The following PI4KB variants were observed in gnomAD, a reference collection of about 807,000 sequenced individuals.
PI4KB encodes the protein phosphatidylinositol 4-kinase beta.
In PI4KB, 23 loss-of-function variants were observed where a neutral mutation model predicts 81.4. The ratio of observed to expected loss-of-function variants is 0.28; its 90% CI spans 0.20 to 0.40. PI4KB has a LOEUF of 0.40. Ranked by LOEUF, PI4KB falls within the 10% of genes least tolerant of loss-of-function variation. The pLI is 1.00. For missense variants in PI4KB, 651 were observed against 1,036.6 expected (o/e 0.63, Z 5.11); for synonymous variants, 381 against 406.8 (o/e 0.94, Z 0.76).
chr1:151,317,225 G>C (rs1648104684), intron 1 of PI4KB, among the ~76,000 whole-genome samples: 1 of 139,828 alleles, frequency 7.2e-6, no homozygotes, highest in African/African-American at 2.7e-5. Flanking sequence ...TTGCAACCTT[G>C]ACCTCCTGGG....
chr1:151,292,166 A>AAAAT lies in PI4KB; in HGVS notation c.*682_*685dup, dbSNP rs1170969575. 6.6e-6 allele frequency: 1 copy of AAAAT among 152,334 alleles called. No individual in the cohort carries two copies. The highest frequency in any genetic ancestry group is 1.5e-5 in the Non-Finnish European group (1 of 68,116). The allele number at this position is 152,334 out of a possible 1,614,324, so 9.4% of individuals were successfully genotyped here. On this transcript the variant is annotated 3_prime_UTR_variant, in exon 12 of 12. Transcript: ENST00000368873. ...AGGACTTTATTTCAAACAAAAATTA[A>AAAAT]AAATAAAAAATTGAGAGCTCTTTTC... is the stretch of plus-strand genomic sequence containing the variant.
chr1:151,313,131 T>TA (rs1165213284), intron 2 of PI4KB, among the ~76,000 whole-genome samples: 1 of 152,224 alleles, frequency 6.6e-6, no homozygotes, highest in Non-Finnish European at 1.5e-5. Context: ...CTGACGACTC[T>TA]AATGCTTAGA....
intron 5 of PI4KB, among the ~76,000 whole-genome samples, chr1:151,304,700 G>C (rs1176546588): frequency 1.4e-5 from 2 of 147,330 alleles, no homozygotes; most frequent in African/African-American, 5.0e-5. Flanking sequence ...CTGTCACCCA[G>C]GCTGGAGTGC....
intron 1 of PI4KB, among the ~76,000 whole-genome samples, chr1:151,323,703 G>A (rs939968112): frequency 6.6e-6 from 1 of 152,032 alleles, no homozygotes. Flanking sequence ...TAGCCTGGGC[G>A]ACAGAACGAG....
intron 7 of PI4KB, 50 bp from the exon 8 acceptor site, chr1:151,302,017 CAA>C (rs1695327655): frequency 1.9e-6 from 3 of 1,607,958 alleles, no homozygotes; most frequent in Non-Finnish European, 2.5e-6. Flanking sequence ...AGGGTGAGGA[CAA>C]GAGACATGGC....
chr1:151,303,713 G>C, intron 5 of PI4KB, 63 bp from the exon 6 acceptor site: 1 of 1,030,044 alleles, frequency 9.7e-7, no homozygotes, highest in Non-Finnish European at 1.5e-6. Context: ...TTCCCCTCCT[G>C]CTTGCTTGCT....
chr1:151,315,512 G>T, intron 2 of PI4KB, 61 bp downstream of exon 2: 2 of 1,070,310 alleles, frequency 1.9e-6, no homozygotes, highest in South Asian at 1.3e-5. Context: ...TATATAGGAG[G>T]CATCCTGTCT....
intron 3 of PI4KB, among the ~76,000 whole-genome samples, chr1:151,309,949 G>A (rs1042320535): frequency 6.6e-6 from 1 of 152,138 alleles, no homozygotes; most frequent in Non-Finnish European, 1.5e-5. Context: ...CAGGAGCTGG[G>A]GGCTGAGCAG....
intron 1 of PI4KB, among the ~76,000 whole-genome samples, chr1:151,321,509 C>T (rs927243560): frequency 6.6e-6 from 1 of 151,928 alleles, no homozygotes; most frequent in Non-Finnish European, 1.5e-5. Context: ...CTCAGCCTCC[C>T]AAGTAGCTGG....
At chr1:151,324,645 G>T in intron 1 of PI4KB, 1 of 376,070 alleles carries the variant, frequency 2.7e-6, no homozygotes, top group Non-Finnish European at 3.7e-6. Flanking sequence ...TCTGTGCAGA[G>T]CCATGGAGCT....
At chr1:151,322,149 C>T (rs1162280936) in intron 1 of PI4KB, among the ~76,000 whole-genome samples, 1 of 152,106 alleles carries the variant, frequency 6.6e-6, no homozygotes, top group Non-Finnish European at 1.5e-5. Context: ...ATGGAAGAGG[C>T]CTCCCCTGTT....
intron 8 of PI4KB, among the ~76,000 whole-genome samples, chr1:151,299,548 G>A (rs587734214): frequency 6.6e-6 from 1 of 152,204 alleles, no homozygotes; most frequent in South Asian, 2.1e-4. Flanking sequence ...AAATTAGCCA[G>A]GCGTGGTGGT....
In PI4KB at chr1:151,306,316, G is replaced by A. The variant is rs748056222; in HGVS notation, c.1230C>T (p.Asp410=). 1 of 1,614,052 alleles carries A rather than the reference G, an allele frequency of 6.2e-7. No homozygotes were observed. Among genetic ancestry groups the A allele is most frequent in the Non-Finnish European group, 8.5e-7 (1 of 1,180,018 alleles). The part of the protein sequence containing the change: ...YVEVLECENF[D]TTSVPARIPE... ...GGATCCGGGCAGGGACACTGGTGGT[G>A]TCAAAGTTTTCACATTCAAGGACTT... The change falls in exon 5 of 12, where the codon GAC becomes GAT. Residue 410 remains aspartate, a synonymous_variant. Coordinates refer to ENST00000368873, the MANE Select transcript of PI4KB (RefSeq NM_001369623.2).
At chr1:151,300,031 G>A (rs1388162141) in intron 8 of PI4KB, among the ~76,000 whole-genome samples, 1 of 152,198 alleles carries the variant, frequency 6.6e-6, no homozygotes, top group Non-Finnish European at 1.5e-5. Flanking sequence ...AACGGGCAAG[G>A]AAGTTTTCCA....
At chr1:151,306,000 ACC>A (rs780000628) in intron 5 of PI4KB, 134 bp downstream of exon 5, 7 of 634,948 alleles carry the variant, frequency 1.1e-5, no homozygotes, top group Non-Finnish European at 1.7e-5. Flanking sequence ...TCCCCATATT[ACC>A]CCTCACTACC....
At chr1:151,320,752 C>G (rs891759799) in intron 1 of PI4KB, among the ~76,000 whole-genome samples, 1 of 152,232 alleles carries the variant, frequency 6.6e-6, no homozygotes, top group African/African-American at 2.4e-5. Flanking sequence ...GGACCACTAC[C>G]TTTTAGGTCT....
chr1:151,324,922 G>C, intron 1 of PI4KB: 5 of 983,814 alleles, frequency 5.1e-6, no homozygotes, highest in Non-Finnish European at 6.0e-6. Context: ...TCAACTCTAA[G>C]AAGAAAGCAG....
At chr1:151,323,342 T>C (rs1202993264) in intron 1 of PI4KB, among the ~76,000 whole-genome samples, 23 of 135,872 alleles carry the variant, frequency 1.7e-4, no homozygotes, top group East Asian at 4.4e-4. Flanking sequence ...CCGTCTCTAC[T>C]AAAAAATATA....
Position 151,301,940 on chromosome 1 carries a change from G to T in PI4KB, c.1653C>A (p.Gly551=), listed in dbSNP as rs369536713. 6.2e-7 allele frequency: 1 copy of T among 1,613,810 alleles called. No homozygotes were observed. Among genetic ancestry groups the T allele is most frequent in the African/African-American group, 1.3e-5 (1 of 75,062 alleles). The change falls in exon 8 of 12, where the codon GGC becomes GGA. Residue 551 remains glycine, a synonymous_variant. Transcript: ENST00000368873. ...VRRIREGSPY[G]HLPNWRLLSV... is the part of the protein sequence containing the mutation. ...ACAGGAGCCGCCAATTGGGGAGATG[G>T]CCGTAGGGGGAGCCCTCTCTGATCC...
Sources: gnomAD v4.1 joint callset for allele counts (sites outside exome capture counted in the v4.1 genomes callset) on GRCh38, gnomAD v4.1.1 for gene constraint, MANE v1.5 for transcripts, NCBI Gene and HGNC (gene_info 2026-07-23, HGNC 2026-07-21) for gene names.